LSAMP: variants seen among roughly 807,000 people sequenced by gnomAD.
The protein encoded by LSAMP is limbic system associated membrane protein.
A neutral mutation model predicts 38.6 loss-of-function variants in LSAMP; 7 were observed. The ratio of observed to expected loss-of-function variants is 0.18; its 90% confidence interval spans 0.10 to 0.34. The LOEUF (loss-of-function observed/expected upper bound fraction) is 0.34. Ranked by LOEUF, LSAMP falls within the 10% of genes least tolerant of loss-of-function variation. LSAMP has a pLI of 1.00. For missense variants in LSAMP, 313 were observed against 420.0 expected, an observed-to-expected ratio of 0.75 and a Z score of 2.23; for synonymous variants, 154 against 166.8, an observed-to-expected ratio of 0.92 and a Z score of 0.59.
chr3:115,971,010 T>A (rs904417954), intron 3 of LSAMP, among the ~76,000 whole-genome samples: 2 of 152,140 alleles, frequency 1.3e-5, no homozygotes, highest in African/African-American at 4.8e-5. Flanking sequence ...GACAGAGTAA[T>A]GGGAACAATT....
At chr3:116,025,270 A>T (rs1056169593) in intron 2 of LSAMP, among the ~76,000 whole-genome samples, 1 of 152,044 alleles carries the variant, frequency 6.6e-6, no homozygotes, top group Non-Finnish European at 1.5e-5. Context: ...CAATCTATTC[A>T]GTTTCAGTGA....
intron 1 of LSAMP, among the ~76,000 whole-genome samples, chr3:116,268,666 G>A (rs573145485): frequency 7.2e-6 from 1 of 139,690 alleles, no homozygotes; most frequent in Admixed American, 7.7e-5. Context: ...GATTTCCAAA[G>A]TGTTTTTGAT....
chr3:116,089,485 G>T (rs562672840), intron 1 of LSAMP, among the ~76,000 whole-genome samples: 1 of 152,232 alleles, frequency 6.6e-6, no homozygotes, highest in South Asian at 2.1e-4. Context: ...TGCCTCCCGA[G>T]TAGCTGGCAC....
intron 3 of LSAMP, among the ~76,000 whole-genome samples, chr3:115,949,644 C>T (rs961942298): frequency 1.1e-4 from 17 of 151,950 alleles, no homozygotes; most frequent in African/African-American, 4.1e-4. Flanking sequence ...CCTGAAATTT[C>T]TATCAGTCAT....
At chr3:116,320,969 T>C (rs1036400072) in intron 1 of LSAMP, among the ~76,000 whole-genome samples, 14 of 152,160 alleles carry the variant, frequency 9.2e-5, no homozygotes, top group African/African-American at 3.4e-4. Flanking sequence ...CCCAAACATG[T>C]CCCTTACCCC....
chr3:116,075,586 G>A (rs1288544305), intron 2 of LSAMP, among the ~76,000 whole-genome samples: 1 of 148,724 alleles, frequency 6.7e-6, no homozygotes, highest in Non-Finnish European at 1.5e-5. Context: ...CTGTCACCCA[G>A]GCTGGAGTGC....
At chr3:115,847,903 T>C (rs1935212071) in intron 4 of LSAMP, among the ~76,000 whole-genome samples, 1 of 152,210 alleles carries the variant, frequency 6.6e-6, no homozygotes, top group African/African-American at 2.4e-5. Flanking sequence ...TTACAGTGAA[T>C]TGATATGAAA....
At chr3:116,338,738 TTCTA>T (rs2047953697) in intron 1 of LSAMP, among the ~76,000 whole-genome samples, 2 of 152,026 alleles carry the variant, frequency 1.3e-5, no homozygotes, top group African/African-American at 4.8e-5. Flanking sequence ...TCTCCTCTAA[TTCTA>T]AACCTGAAAA....
Position 116,445,322 on chromosome 3 carries a change from C to T in LSAMP, c.-291G>A. 1.8e-6 allele frequency: 1 copy of T among 561,424 alleles called. No individual in the cohort carries two copies. The highest frequency in any genetic ancestry group is 3.4e-5 in the Admixed American group (1 of 29,578). 34.8% of individuals were successfully genotyped at this position (561,424 alleles called of 1,614,324 possible). A position where few individuals can be genotyped will look rare whatever the true frequency, so the allele number is the denominator to read the frequency against. On this transcript the variant is annotated 5_prime_UTR_variant, in exon 1 of 7. Transcript: ENST00000490035. ...CCCTCTGGAAGAGCTGAAGAGGAAG[C>T]CAAAGGAAAGGGTTCTTGTTTGGTC... is the stretch of plus-strand genomic sequence containing the variant.
At chr3:116,141,475 A>G (rs1475846332) in intron 1 of LSAMP, among the ~76,000 whole-genome samples, 3 of 151,870 alleles carry the variant, frequency 2.0e-5, no homozygotes, top group Non-Finnish European at 2.9e-5. Flanking sequence ...CCTCTCCTCC[A>G]TTTCCATTAT....
chr3:116,445,446 G>C lies in LSAMP; in HGVS notation c.-415C>G. ...GGCGGGCGGGCGGGCGAGGGAGCCGGCACCAAGCCTGCCAGTGAGTGTACA... is the reference window on the plus strand; with the variant it reads ...GGCGGGCGGGCGGGCGAGGGAGCCGCCACCAAGCCTGCCAGTGAGTGTACA... On this transcript the variant is annotated 5_prime_UTR_variant, in exon 1 of 7. Transcript: ENST00000490035. 1 of 448,936 alleles carries C rather than the reference G, an allele frequency of 2.2e-6. No homozygotes were observed. Among genetic ancestry groups the C allele is most frequent in the East Asian group, 3.4e-5 (1 of 29,618 alleles). The allele number at this position is 448,936 out of a possible 1,614,324, so 27.8% of individuals were successfully genotyped here. A position where few individuals can be genotyped will look rare whatever the true frequency, so the allele number is the denominator to read the frequency against.
At chr3:115,935,963 C>T (rs1007236878) in intron 3 of LSAMP, among the ~76,000 whole-genome samples, 2 of 152,126 alleles carry the variant, frequency 1.3e-5, no homozygotes, top group African/African-American at 4.8e-5. Flanking sequence ...ATGATCTGAC[C>T]ACACTTCTGC....
chr3:116,289,429 A>C (rs1264848034), intron 1 of LSAMP, among the ~76,000 whole-genome samples: 3 of 152,144 alleles, frequency 2.0e-5, no homozygotes. Context: ...TTTTTCAAGA[A>C]AACAGAATAT....
intron 1 of LSAMP, among the ~76,000 whole-genome samples, chr3:116,424,646 C>G (rs947886360): frequency 1.5e-4 from 23 of 152,126 alleles, no homozygotes; most frequent in Non-Finnish European, 2.9e-5. Context: ...GAAGAGAGGA[C>G]ATAGTGTGGA....
In LSAMP at chr3:116,028,828, T is replaced by G. The variant is rs140107069; in HGVS notation, c.389-9188A>C. Reference sequence around the variant, plus strand: ...TGTAGATAATTGCTATAATTTATAATTAATCATTAATTGTGGCATTAACAA... The same window carrying G: ...TGTAGATAATTGCTATAATTTATAAGTAATCATTAATTGTGGCATTAACAA... On this transcript the variant is annotated intron_variant, in intron 2 of 6. Transcript: ENST00000490035. 4.6e-3 allele frequency among the ~76,000 whole-genome samples: 702 copies of G among 152,146 alleles called. 2 individuals carry two copies. Among genetic ancestry groups the G allele is most frequent in the African/African-American group, 0.016 (671 of 41,494 alleles).
At chr3:116,400,010 T>C (rs1293333308) in intron 1 of LSAMP, among the ~76,000 whole-genome samples, 1 of 152,230 alleles carries the variant, frequency 6.6e-6, no homozygotes, top group Non-Finnish European at 1.5e-5. Context: ...AGTTCTGGTA[T>C]AAATATTTTT....
intron 1 of LSAMP, among the ~76,000 whole-genome samples, chr3:116,191,319 A>T (rs1302200505): frequency 1.3e-5 from 2 of 152,190 alleles, no homozygotes; most frequent in Non-Finnish European, 2.9e-5. Context: ...AGGAATCTGC[A>T]TTTTAATAAG....
At chr3:116,038,584 T>C (rs1941099390) in intron 2 of LSAMP, among the ~76,000 whole-genome samples, 1 of 152,210 alleles carries the variant, frequency 6.6e-6, no homozygotes. Flanking sequence ...TCTAATTCCT[T>C]TGCTCTCAGA....
chr3:116,271,759 T>C (rs142269808), intron 1 of LSAMP, among the ~76,000 whole-genome samples: 1 of 152,130 alleles, frequency 6.6e-6, no homozygotes, highest in East Asian at 1.9e-4. Context: ...CAATTTGTAG[T>C]TAGTCTAAAA....
Sources: allele counts gnomAD v4.1 joint callset (sites outside exome capture counted in the v4.1 genomes callset), GRCh38; gene constraint gnomAD v4.1.1; transcripts MANE v1.5; gene names NCBI Gene and HGNC (gene_info 2026-07-23, HGNC 2026-07-21).